PRTFDC1: variants seen among roughly 807,000 people sequenced by gnomAD.
PRTFDC1 encodes phosphoribosyltransferase domain-containing protein 1.
PRTFDC1 carries 38 observed loss-of-function variants against 34.6 expected under a neutral mutation model. The observed-to-expected ratio is 1.10, with a 90% CI of 0.85 to 1.44. PRTFDC1 has a LOEUF of 1.44. Among genes scored for constraint, PRTFDC1 ranks in the 40% most tolerant of loss-of-function variants. The pLI, the probability that PRTFDC1 is intolerant of heterozygous loss-of-function variation, is 0.00. For missense variants in PRTFDC1, 270 were observed against 283.0 expected, an observed-to-expected ratio of 0.95 and a Z score of 0.33; for synonymous variants, 93 against 98.1, an observed-to-expected ratio of 0.95 and a Z score of 0.31.
At chr10:24,947,987 G>A (rs901152987) in intron 1 of PRTFDC1, among the ~76,000 whole-genome samples, 2 of 152,264 alleles carry the variant, frequency 1.3e-5, no homozygotes, top group Non-Finnish European at 2.9e-5. Context: ...AAGGAAGCTC[G>A]ACAGGCCAAC....
intron 3 of PRTFDC1, among the ~76,000 whole-genome samples, chr10:24,910,047 G>A (rs1239918181): frequency 6.6e-6 from 1 of 151,400 alleles, no homozygotes; most frequent in Non-Finnish European, 1.5e-5. Context: ...TGTAACCCCA[G>A]CTTCTCGGGA....
At chr10:24,935,844 A>C (rs910705337) in intron 3 of PRTFDC1, among the ~76,000 whole-genome samples, 1 of 152,174 alleles carries the variant, frequency 6.6e-6, no homozygotes, top group African/African-American at 2.4e-5. Flanking sequence ...AGGAGTGGAG[A>C]GTCTACCAAC....
chr10:24,908,668 C>A (rs570177282), intron 3 of PRTFDC1: 2 of 1,607,964 alleles, frequency 1.2e-6, no homozygotes, highest in East Asian at 4.5e-5. Flanking sequence ...TGGTTGTCCT[C>A]TTCAACCGAG....
In PRTFDC1 at chr10:24,871,785, G is replaced by A. The variant is rs563324389; in HGVS notation, c.405+213C>T. Among the ~76,000 whole-genome samples the A allele has an allele frequency of 5.4e-4, 82 of 152,234 alleles. 1 individual carries two copies. The South Asian group carries it at 0.011, about 20-fold the overall frequency. On this transcript the variant is annotated intron_variant, in intron 4 of 8. Coordinates refer to ENST00000320152, the MANE Select transcript of PRTFDC1 (RefSeq NM_020200.7). ...CTGAAACAAGATTGGAAGGAAGCTC[G>A]GAGAAGAAAGATTTGGTCTGCATGG... is the stretch of plus-strand genomic sequence containing the variant.
intron 3 of PRTFDC1, among the ~76,000 whole-genome samples, chr10:24,896,701 G>GA (rs1848371061): frequency 6.6e-6 from 1 of 152,178 alleles, no homozygotes; most frequent in Non-Finnish European, 1.5e-5. Context: ...AAACACTCTG[G>GA]AAAAATCCTG....
intron 5 of PRTFDC1, 23 bp from the exon 6 acceptor site, chr10:24,857,018 T>C (rs368231146): frequency 2.9e-4 from 459 of 1,572,198 alleles, no homozygotes; most frequent in Non-Finnish European, 2.5e-4. Context: ...GACAGATAAA[T>C]TCAACAAAAT....
At chr10:24,950,331 A>G (rs972335228) in intron 1 of PRTFDC1, among the ~76,000 whole-genome samples, 1 of 152,048 alleles carries the variant, frequency 6.6e-6, no homozygotes, top group East Asian at 1.9e-4. Flanking sequence ...GAATATTTGC[A>G]TTATACTTCC....
chr10:24,926,400 C>T lies in PRTFDC1; in HGVS notation c.339+10784G>A, dbSNP rs532360155. Reference sequence around the variant, plus strand: ...ATCTTTCATCCATCTTTTTTTGAGACGGAGTCTCATTCTGTTACCCTGGTT... The same window carrying T: ...ATCTTTCATCCATCTTTTTTTGAGATGGAGTCTCATTCTGTTACCCTGGTT... On this transcript the variant is annotated intron_variant, in intron 3 of 8. Transcript: ENST00000320152. 6.6e-5 allele frequency among the ~76,000 whole-genome samples: 10 copies of T among 152,254 alleles called. No homozygotes were observed. In the East Asian group the frequency reaches 1.2e-3, roughly 18 times the overall value.
At chr10:24,920,372 G>T (rs1465854919) in intron 3 of PRTFDC1, among the ~76,000 whole-genome samples, 1 of 152,060 alleles carries the variant, frequency 6.6e-6, no homozygotes, top group East Asian at 1.9e-4. Flanking sequence ...AGGAGATCAT[G>T]TCCTTTGCAG....
chr10:24,872,676 CGT>C lies in PRTFDC1; in HGVS notation c.340-615_340-614del, dbSNP rs1040518248. The stretch of plus-strand genomic sequence containing the variant: ...TAAGAATATGACACTCAGAACTATA[CGT>C]GTGTGTGTGTATATATATATATACA... On this transcript the variant is annotated intron_variant, in intron 3 of 8. Coordinates refer to ENST00000320152, the MANE Select transcript of PRTFDC1 (RefSeq NM_020200.7). 1.1e-4 allele frequency among the ~76,000 whole-genome samples: 16 copies of C among 146,190 alleles called. 1 individual carries two copies. Among genetic ancestry groups the C allele is most frequent in the Admixed American group, 8.3e-4 (12 of 14,532 alleles).
chr10:24,943,626 C>T (rs1386495141), intron 1 of PRTFDC1, among the ~76,000 whole-genome samples: 1 of 149,364 alleles, frequency 6.7e-6, no homozygotes, highest in Non-Finnish European at 1.5e-5. Flanking sequence ...TCTCTGCTCA[C>T]TGCAACCCTG....
intron 4 of PRTFDC1, among the ~76,000 whole-genome samples, chr10:24,862,019 TA>T (rs1847688349): frequency 6.6e-6 from 1 of 152,072 alleles, no homozygotes. Context: ...TTGTACTTTC[TA>T]TAATATATAA....
intron 3 of PRTFDC1, among the ~76,000 whole-genome samples, chr10:24,882,449 CGTT>C (rs1848094490): frequency 6.6e-6 from 1 of 152,108 alleles, no homozygotes; most frequent in Non-Finnish European, 1.5e-5. Flanking sequence ...GTGGCTGGCA[CGTT>C]GTAGCATTCA....
chr10:24,928,062 A>G (rs7918015), intron 3 of PRTFDC1, among the ~76,000 whole-genome samples: 28,406 of 152,078 alleles, frequency 0.19, 3,974 homozygotes, highest in African/African-American at 0.39. Flanking sequence ...CTTACATACA[A>G]TCCATGTCAA....
intron 3 of PRTFDC1, among the ~76,000 whole-genome samples, chr10:24,903,320 G>A (rs188216569): frequency 8.5e-5 from 13 of 152,314 alleles, no homozygotes; most frequent in Admixed American, 8.5e-4. Flanking sequence ...CCCCTATAAA[G>A]TGAAGACTAA....
rs1364654041 is a variant in PRTFDC1 at position 24,851,394 on chromosome 10, A to C, written c.624T>G (p.Asp208Glu). The change falls in exon 8 of 9, where the codon GAT (aspartate) becomes GAG (glutamate). Residue 208 changes from aspartate to glutamate, a missense_variant. Physicochemically the swap from Asp to Glu is conservative, Grantham distance 45. Coordinates refer to ENST00000320152, the MANE Select transcript of PRTFDC1 (RefSeq NM_020200.7). ...YALDYNEYFR[D>E]LNHICVINEH... is the part of the protein sequence containing the mutation. ...ATTTGCATGCAAGACTTACATTCAG[A>C]TCTCTGAAGTATTCATTGTAATCTA... 5.6e-6 allele frequency: 9 copies of C among 1,604,668 alleles called. No homozygotes were observed. The highest frequency in any genetic ancestry group is 3.3e-4 in the Middle Eastern group (2 of 6,042).
chr10:24,874,290 G>T (rs1023819206), intron 3 of PRTFDC1, among the ~76,000 whole-genome samples: 2 of 152,084 alleles, frequency 1.3e-5, no homozygotes, highest in Non-Finnish European at 2.9e-5. Context: ...TGCTGTTTTT[G>T]TTCATATATC....
In PRTFDC1 at chr10:24,872,807, T is replaced by TATATA. The variant is rs1491555567; in HGVS notation, c.340-745_340-744insTATAT. 8.9e-3 allele frequency among the ~76,000 whole-genome samples: 736 copies of TATATA among 83,158 alleles called. 4 individuals are homozygous for TATATA. The highest frequency in any genetic ancestry group is 0.021 in the East Asian group (63 of 2,964). 54.6% of individuals were successfully genotyped at this position (83,158 alleles called of 152,430 possible). On this transcript the variant is annotated intron_variant, in intron 3 of 8. Coordinates refer to ENST00000320152, the MANE Select transcript of PRTFDC1 (RefSeq NM_020200.7). ...GTGTGTGTATATATATATATATATATTTTTTTTTTTTTTTTTTTTTGAGAC... is the reference window on the plus strand; with the variant it reads ...GTGTGTGTATATATATATATATATATATATATTTTTTTTTTTTTTTTTTTTGAGAC...
At chr10:24,936,280 A>C (rs1222607755) in intron 3 of PRTFDC1, among the ~76,000 whole-genome samples, 1 of 152,106 alleles carries the variant, frequency 6.6e-6, no homozygotes, top group Non-Finnish European at 1.5e-5. Context: ...GAGACTAAGG[A>C]AACAACAGCT....
Sources: allele counts gnomAD v4.1 joint callset (sites outside exome capture counted in the v4.1 genomes callset), GRCh38; gene constraint gnomAD v4.1.1; transcripts MANE v1.5; gene names NCBI Gene and HGNC (gene_info 2026-07-23, HGNC 2026-07-21).